The following EIF4G3 variants were observed in gnomAD, a reference collection of about 807,000 sequenced individuals.
EIF4G3 encodes eukaryotic translation initiation factor 4 gamma 3, also known as eIF-4-gamma 3.
A neutral mutation model predicts 186.4 loss-of-function variants in EIF4G3; 34 were observed. The ratio of observed to expected loss-of-function variants is 0.18; its 90% confidence interval spans 0.14 to 0.24. The LOEUF (loss-of-function observed/expected upper bound fraction) is 0.24. Among genes scored for constraint, EIF4G3 ranks in the 10% least tolerant of loss-of-function variants. EIF4G3 has a pLI of 1.00. For missense variants in EIF4G3, 1,536 were observed against 1,948.5 expected (o/e 0.79, Z 3.99); for synonymous variants, 673 against 679.5 (o/e 0.99, Z 0.15).
chr1:20,884,489 A>T (rs2154554748), intron 19 of EIF4G3, among the ~76,000 whole-genome samples: 2 of 152,332 alleles, frequency 1.3e-5, no homozygotes, highest in Non-Finnish European at 2.9e-5. Flanking sequence ...AATGATGAAG[A>T]TCCAGTAGGA....
chr1:21,144,335 A>G (rs2097397540), intron 2 of EIF4G3, among the ~76,000 whole-genome samples: 1 of 152,138 alleles, frequency 6.6e-6, no homozygotes, highest in African/African-American at 2.4e-5. Flanking sequence ...TCTAGCCTCA[A>G]TCTTGAGGGA....
At chr1:20,960,297 C>G (rs2096542693) in intron 12 of EIF4G3, among the ~76,000 whole-genome samples, 1 of 152,074 alleles carries the variant, frequency 6.6e-6, no homozygotes, top group Admixed American at 6.5e-5. Context: ...GAAACCCTGT[C>G]TCTACTAAAA....
intron 7 of EIF4G3, among the ~76,000 whole-genome samples, chr1:20,993,386 C>T (rs2081541845): frequency 6.6e-6 from 1 of 152,152 alleles, no homozygotes; most frequent in African/African-American, 2.4e-5. Flanking sequence ...ATTCAAGTAA[C>T]TCCATCTTAC....
chr1:21,120,769 T>C (rs1322057197), intron 2 of EIF4G3, among the ~76,000 whole-genome samples: 1 of 152,184 alleles, frequency 6.6e-6, no homozygotes, highest in African/African-American at 2.4e-5. Flanking sequence ...GCACCGAATA[T>C]GAATCTCAAC....
chr1:21,119,251 C>T (rs1400695571), intron 2 of EIF4G3, among the ~76,000 whole-genome samples: 1 of 151,216 alleles, frequency 6.6e-6, no homozygotes, highest in Non-Finnish European at 1.5e-5. Context: ...GTATGAAATG[C>T]TTATAGAATG....
At chr1:21,025,926 C>T (rs908673885) in intron 4 of EIF4G3, among the ~76,000 whole-genome samples, 8 of 152,024 alleles carry the variant, frequency 5.3e-5, no homozygotes, top group African/African-American at 1.9e-4. Flanking sequence ...AAAAATTATC[C>T]CCTGTTCATG....
chr1:20,900,053 T>C, intron 15 of EIF4G3, 110 bp from the exon 16 acceptor site: 1 of 1,123,778 alleles, frequency 8.9e-7, no homozygotes, highest in Non-Finnish European at 1.3e-6. Flanking sequence ...TCATTCAAGG[T>C]AAGAATGTCT....
chr1:20,884,274 A>G (rs1411121995), intron 19 of EIF4G3, among the ~76,000 whole-genome samples: 1 of 152,264 alleles, frequency 6.6e-6, no homozygotes, highest in Non-Finnish European at 1.5e-5. Flanking sequence ...TAAGACAATA[A>G]CGGAGAGGAC....
At chr1:20,809,364 CGATTCAGGACTAG>C (rs1254779328) in intron 36 of EIF4G3, among the ~76,000 whole-genome samples, 8 of 152,198 alleles carry the variant, frequency 5.3e-5, no homozygotes, top group South Asian at 4.2e-4. Flanking sequence ...TCTCCAAGAG[CGATTCAGGACTAG>C]GAAAGAAGGA....
chr1:21,156,004 A>G (rs1238554603), intron 2 of EIF4G3, among the ~76,000 whole-genome samples: 1 of 151,848 alleles, frequency 6.6e-6, no homozygotes, highest in East Asian at 1.9e-4. Context: ...GCACATGCCT[A>G]TAGTCCCAGC....
At chr1:20,899,660 G>A (rs759046004) in intron 16 of EIF4G3, 37 bp downstream of exon 16, 1 of 1,610,210 alleles carries the variant, frequency 6.2e-7, no homozygotes, top group Non-Finnish European at 8.5e-7. Flanking sequence ...GCAGTAGAGG[G>A]ATAAAGAGGT....
chr1:20,816,436 C>G, intron 34 of EIF4G3, among the ~76,000 whole-genome samples: 1 of 126,500 alleles, frequency 7.9e-6, no homozygotes, highest in Non-Finnish European at 1.7e-5. Flanking sequence ...CCCGGCCGCC[C>G]CTACTGGGAA....
At chr1:20,963,281 G>A (rs1358866281) in intron 12 of EIF4G3, among the ~76,000 whole-genome samples, 1 of 151,992 alleles carries the variant, frequency 6.6e-6, no homozygotes, top group Non-Finnish European at 1.5e-5. Flanking sequence ...TCATCTGGAA[G>A]TTTTCAAATT....
In EIF4G3 at chr1:21,176,264, C is replaced by CGCT. The variant is rs757105157; in HGVS notation, c.-364_-362dup. ...CCGCCGCCGCCGCCGCCGCCGCCGC[C>CGCT]GCTGCTGCCGCCGCCGGGTGAGGAG... is the stretch of plus-strand genomic sequence containing the variant. On this transcript the variant is annotated 5_prime_UTR_variant, in exon 2 of 37. Coordinates refer to ENST00000602326, the MANE Select transcript of EIF4G3 (RefSeq NM_001391906.1). The CGCT allele has an allele frequency of 2.3e-5, 7 of 305,220 alleles. No homozygotes were observed. The highest frequency in any genetic ancestry group is 1.1e-4 in the South Asian group (1 of 8,976). 18.9% of individuals were successfully genotyped at this position (305,220 alleles called of 1,614,324 possible). A position where few individuals can be genotyped will look rare whatever the true frequency, so the allele number is the denominator to read the frequency against.
rs1223598520 is a variant in EIF4G3 at position 20,879,333 on chromosome 1, C to G, written c.2612G>C (p.Cys871Ser). ...TTCCTCTCTTCTTACCGTTACTAGA[C>G]ATCGACACATGTTTGCGTAAGCCAC... The part of the protein sequence containing the change: ...FSVAYANMCR[C>S]LVTLKVPMAD... The change falls in exon 20 of 37, where the codon TGT (cysteine) becomes TCT (serine). Residue 871 changes from cysteine to serine, a missense_variant. By Grantham distance (112) the Cys-to-Ser change is moderately radical. Coordinates refer to ENST00000602326, the MANE Select transcript of EIF4G3 (RefSeq NM_001391906.1). The G allele has an allele frequency of 6.3e-7, 1 of 1,596,940 alleles. No homozygotes were observed. Among genetic ancestry groups the G allele is most frequent in the Non-Finnish European group, 8.5e-7 (1 of 1,171,894 alleles).
intron 13 of EIF4G3, among the ~76,000 whole-genome samples, chr1:20,946,476 CCAAA>C (rs1252603739): frequency 8.5e-5 from 13 of 152,262 alleles, no homozygotes; most frequent in African/African-American, 2.6e-4. Flanking sequence ...TCATAAGGTG[CCAAA>C]CAAATGTAAA....
intron 2 of EIF4G3, among the ~76,000 whole-genome samples, chr1:21,093,976 G>C (rs1481560802): frequency 6.6e-6 from 1 of 152,010 alleles, no homozygotes; most frequent in Non-Finnish European, 1.5e-5. Context: ...AGGAGGGAGG[G>C]ATAGCATTAG....
intron 4 of EIF4G3, among the ~76,000 whole-genome samples, chr1:21,035,899 G>A (rs1461892254): frequency 1.3e-5 from 2 of 152,142 alleles, no homozygotes; most frequent in Non-Finnish European, 2.9e-5. Context: ...CAACTGGCAT[G>A]CACCACCTCC....
intron 7 of EIF4G3, among the ~76,000 whole-genome samples, chr1:20,991,242 G>A (rs1319905943): frequency 6.6e-6 from 1 of 152,144 alleles, no homozygotes; most frequent in Non-Finnish European, 1.5e-5. Context: ...CAATACAGGA[G>A]CCACAAGCCA....
Sources: gnomAD v4.1 joint callset for allele counts (sites outside exome capture counted in the v4.1 genomes callset) on GRCh38, gnomAD v4.1.1 for gene constraint, MANE v1.5 for transcripts, NCBI Gene and HGNC (gene_info 2026-07-23, HGNC 2026-07-21) for gene names.